APOLD1: variants seen among roughly 807,000 people sequenced by gnomAD.
APOLD1 encodes the protein apolipoprotein L domain-containing protein 1.
APOLD1 carries 22 observed loss-of-function variants against 15.3 expected under a neutral mutation model. The observed-to-expected ratio is 1.44, with a 90% CI of 1.03 to 2.05. The LOEUF (loss-of-function observed/expected upper bound fraction) is 2.05. Among genes scored for constraint, APOLD1 ranks in the 30% most tolerant of loss-of-function variants. APOLD1 has a pLI of 0.00. For missense variants in APOLD1, 394 were observed against 353.5 expected, an observed-to-expected ratio of 1.11 and a Z score of -0.92; for synonymous variants, 190 against 167.4, an observed-to-expected ratio of 1.13 and a Z score of -1.04.
intron 1 of APOLD1, among the ~76,000 whole-genome samples, chr12:12,763,862 T>G (rs868026703): frequency 2.6e-5 from 4 of 151,978 alleles, no homozygotes; most frequent in South Asian, 2.1e-4. Flanking sequence ...TATTTTTAAG[T>G]TTTTTTTCCC....
At chr12:12,754,574 A>G (rs987539037) in intron 1 of APOLD1, among the ~76,000 whole-genome samples, 86 of 151,924 alleles carry the variant, frequency 5.7e-4, no homozygotes, top group Non-Finnish European at 7.1e-4. Context: ...CACAGCCTCC[A>G]AGTAGCTGTG....
chr12:12,749,737 A>T (rs1239890169), intron 1 of APOLD1, among the ~76,000 whole-genome samples: 1 of 152,128 alleles, frequency 6.6e-6, no homozygotes, highest in Non-Finnish European at 1.5e-5. Flanking sequence ...ACCCAACAGA[A>T]TTCTGTAACC....
upstream of APOLD1, among the ~76,000 whole-genome samples, chr12:12,784,199 TTTAA>T (rs1225494483): frequency 6.6e-6 from 1 of 152,100 alleles, no homozygotes; most frequent in African/African-American, 2.4e-5. Flanking sequence ...AAAATAAAGA[TTTAA>T]TTGTGTTCCT....
At chr12:12,763,473 A>C (rs1165752942) in intron 1 of APOLD1, among the ~76,000 whole-genome samples, 2 of 151,732 alleles carry the variant, frequency 1.3e-5, no homozygotes, top group African/African-American at 4.8e-5. Flanking sequence ...TGGGTTCTGC[A>C]TCTGTGGATT....
intron 1 of APOLD1, among the ~76,000 whole-genome samples, chr12:12,780,467 C>T (rs562063401): frequency 1.4e-4 from 21 of 151,662 alleles, no homozygotes; most frequent in South Asian, 6.3e-4. Context: ...TGTGCCTGGC[C>T]GAATTTATTT....
At chr12:12,780,186 G>C (rs1451922423) in intron 1 of APOLD1, among the ~76,000 whole-genome samples, 3 of 151,750 alleles carry the variant, frequency 2.0e-5, no homozygotes. Flanking sequence ...TTACATTCTG[G>C]GGAAATTCAA....
chr12:12,741,666 A>G (rs909531920), intron 1 of APOLD1, among the ~76,000 whole-genome samples: 1 of 152,212 alleles, frequency 6.6e-6, no homozygotes, highest in Non-Finnish European at 1.5e-5. Flanking sequence ...AACAAAACAA[A>G]ACAAGACACA....
chr12:12,740,865 G>A (rs1404275455), intron 1 of APOLD1, among the ~76,000 whole-genome samples: 1 of 152,144 alleles, frequency 6.6e-6, no homozygotes, highest in East Asian at 1.9e-4. Flanking sequence ...GGCTGGGCAC[G>A]GTGGCTCACG....
upstream of APOLD1, among the ~76,000 whole-genome samples, chr12:12,781,577 G>C (rs1190501765): frequency 1.3e-5 from 2 of 149,270 alleles, no homozygotes; most frequent in Non-Finnish European, 3.0e-5. Context: ...GCCCAGGCTG[G>C]AGTGCAGTGG....
upstream of APOLD1, among the ~76,000 whole-genome samples, chr12:12,781,790 G>A (rs369533726): frequency 6.6e-6 from 1 of 151,322 alleles, no homozygotes. Context: ...GCCTCCCAAA[G>A]TGCTGGGATT....
chr12:12,774,863 G>C (rs901124819), intron 1 of APOLD1, among the ~76,000 whole-genome samples: 1 of 152,100 alleles, frequency 6.6e-6, no homozygotes, highest in Non-Finnish European at 1.5e-5. Flanking sequence ...AATTTGAAAT[G>C]GTATGATGAG....
At chr12:12,758,361 A>G (rs975553060) in intron 1 of APOLD1, among the ~76,000 whole-genome samples, 4 of 152,066 alleles carry the variant, frequency 2.6e-5, no homozygotes, top group Non-Finnish European at 4.4e-5. Context: ...CCTGGTCAAC[A>G]TGGTGAAACC....
At chr12:12,748,902 A>G (rs1946785707) in intron 1 of APOLD1, among the ~76,000 whole-genome samples, 1 of 152,164 alleles carries the variant, frequency 6.6e-6, no homozygotes, top group Non-Finnish European at 1.5e-5. Flanking sequence ...GCCATTTCAT[A>G]TTTCTAAACT....
chr12:12,760,139 C>T (rs1490377750), intron 1 of APOLD1, among the ~76,000 whole-genome samples: 1 of 152,142 alleles, frequency 6.6e-6, no homozygotes, highest in Non-Finnish European at 1.5e-5. Context: ...GAGTTCGAGA[C>T]CAGCCTGGGC....
At chr12:12,764,955 A>G (rs963318691) in intron 1 of APOLD1, among the ~76,000 whole-genome samples, 2 of 152,206 alleles carry the variant, frequency 1.3e-5, no homozygotes, top group African/African-American at 4.8e-5. Flanking sequence ...GCTCTTCTCT[A>G]AGCAGCAAAT....
intron 1 of APOLD1, among the ~76,000 whole-genome samples, chr12:12,740,097 T>C (rs1946720217): frequency 6.6e-6 from 1 of 152,034 alleles, no homozygotes; most frequent in South Asian, 2.1e-4. Context: ...TTCTCCTGCA[T>C]CAGCCTCCTG....
At chr12:12,730,055 TGTGTGTGTGTGTGTGTGTGTGTGA>T (rs1312641649) in intron 1 of APOLD1, among the ~76,000 whole-genome samples, 5 of 105,466 alleles carry the variant, frequency 4.7e-5, no homozygotes, top group African/African-American at 2.0e-4. Flanking sequence ...TGTGTGTGTG[TGTGTGTGTGTGTGTGTGTGTGTGA>T]GAGAGAGAGA....
chr12:12,751,286 G>C (rs1412485878), intron 1 of APOLD1, among the ~76,000 whole-genome samples: 1 of 152,124 alleles, frequency 6.6e-6, no homozygotes, highest in Non-Finnish European at 1.5e-5. Flanking sequence ...CCTCTGGCTG[G>C]CATAGGCTGA....
Position 12,791,124 on chromosome 12 carries a change from A to G in APOLD1, c.*3472A>G, listed in dbSNP as rs1383664264. On this transcript the variant is annotated 3_prime_UTR_variant, in exon 2 of 2. Transcript: ENST00000356591. Reference sequence around the variant, plus strand: ...GATTCAATAGAACTGCTCCATTAAAAAAATAATCCTTAGCAAGCATTCGAA... The same window carrying G: ...GATTCAATAGAACTGCTCCATTAAAGAAATAATCCTTAGCAAGCATTCGAA... The G allele has an allele frequency of 3.9e-5, 6 of 152,244 alleles. No individual in the cohort carries two copies. The highest frequency in any genetic ancestry group is 5.9e-5 in the Non-Finnish European group (4 of 68,042). 9.4% of individuals were successfully genotyped at this position (152,244 alleles called of 1,614,324 possible).
Sources: gnomAD v4.1 joint callset for allele counts (sites outside exome capture counted in the v4.1 genomes callset) on GRCh38, gnomAD v4.1.1 for gene constraint, MANE v1.5 for transcripts, NCBI Gene and HGNC (gene_info 2026-07-23, HGNC 2026-07-21) for gene names.